Variants in AZIN1 observed in about 807,000 individuals in gnomAD.
AZIN1 encodes the protein antizyme inhibitor 1, also known as ornithine decarboxylase antizyme inhibitor.
In AZIN1, 12 loss-of-function variants were observed where a neutral mutation model predicts 47.4. The observed-to-expected ratio is 0.25, with a 90% CI of 0.16 to 0.41. AZIN1 has a LOEUF of 0.41. Among genes scored for constraint, AZIN1 ranks in the 10% least tolerant of loss-of-function variants. AZIN1 has a pLI of 1.00. For missense variants in AZIN1, 410 were observed against 532.4 expected (o/e 0.77, Z 2.26); for synonymous variants, 155 against 176.3 (o/e 0.88, Z 0.96).
At chr8:102,843,506 GAGCTTGGA>G in intron 3 of AZIN1, 37 bp downstream of exon 3, 2 of 1,526,444 alleles carry the variant, frequency 1.3e-6, no homozygotes, top group Non-Finnish European at 1.8e-6. Flanking sequence ...ACTCGTTTCA[GAGCTTGGA>G]AAATGACAAA....
chr8:102,831,978 T>A (rs1180572268), intron 9 of AZIN1, among the ~76,000 whole-genome samples: 1 of 152,088 alleles, frequency 6.6e-6, no homozygotes, highest in African/African-American at 2.4e-5. Flanking sequence ...AATATTAGAA[T>A]TGGCCACTAT....
intron 10 of AZIN1, 72 bp downstream of exon 10, chr8:102,829,749 G>A: frequency 8.6e-7 from 1 of 1,157,246 alleles, no homozygotes; most frequent in East Asian, 2.4e-5. Flanking sequence ...CAAAAAACTG[G>A]GAAGCATCTT....
intron 1 of AZIN1, among the ~76,000 whole-genome samples, chr8:102,860,629 C>T (rs1465393907): frequency 6.6e-6 from 1 of 152,164 alleles, no homozygotes; most frequent in Non-Finnish European, 1.5e-5. Context: ...TCAAGTGATC[C>T]GCCTGCATCA....
rs1295571696 is a variant in AZIN1 at position 102,828,099 on chromosome 8, AG to A, written c.*467del. 6.5e-6 allele frequency: 1 copy of A among 152,810 alleles called. No homozygotes were observed. Among genetic ancestry groups the A allele is most frequent in the Non-Finnish European group, 1.5e-5 (1 of 68,132 alleles). The allele number at this position is 152,810 out of a possible 1,614,324, so 9.5% of individuals were successfully genotyped here. ...TTACATTTATTAAACTACAGTTCAAAGCACAAATTTACACATTCTAAATACA... is the reference window on the plus strand; with the variant it reads ...TTACATTTATTAAACTACAGTTCAAACACAAATTTACACATTCTAAATACA... On this transcript the variant is annotated 3_prime_UTR_variant, in exon 12 of 12. Coordinates refer to ENST00000337198, the MANE Select transcript of AZIN1 (RefSeq NM_148174.4).
intron 2 of AZIN1, among the ~76,000 whole-genome samples, chr8:102,849,710 T>C (rs1812806604): frequency 6.6e-6 from 1 of 152,240 alleles, no homozygotes; most frequent in African/African-American, 2.4e-5. Flanking sequence ...GCTCAGGTTA[T>C]TTTACACTAA....
chr8:102,862,775 T>C (rs1452626520), intron 1 of AZIN1, among the ~76,000 whole-genome samples: 1 of 152,212 alleles, frequency 6.6e-6, no homozygotes, highest in Non-Finnish European at 1.5e-5. Flanking sequence ...ATAACCAAGA[T>C]GCCACCACAA....
chr8:102,854,773 A>G (rs2131274168), intron 2 of AZIN1, among the ~76,000 whole-genome samples: 1 of 151,168 alleles, frequency 6.6e-6, no homozygotes, highest in African/African-American at 2.4e-5. Context: ...AGAGCCGACT[A>G]ATGACAACCA....
intron 3 of AZIN1, among the ~76,000 whole-genome samples, chr8:102,841,984 G>A (rs990668036): frequency 3.3e-5 from 5 of 152,066 alleles, no homozygotes; most frequent in Non-Finnish European, 4.4e-5. Context: ...GGTGCTGGGC[G>A]CCTGTAATCC....
intron 2 of AZIN1, among the ~76,000 whole-genome samples, 167 bp from the exon 3 acceptor site, chr8:102,843,914 T>C (rs571857314): frequency 6.6e-6 from 1 of 152,186 alleles, no homozygotes; most frequent in East Asian, 1.9e-4. Flanking sequence ...AAAAAGCAAA[T>C]ACATGAATTA....
At chr8:102,847,673 C>G (rs1812656041) in intron 2 of AZIN1, among the ~76,000 whole-genome samples, 2 of 152,068 alleles carry the variant, frequency 1.3e-5, no homozygotes, top group South Asian at 4.2e-4. Flanking sequence ...ATCCTCCCAC[C>G]ACAGCCTTCA....
At position 102,847,364 on chromosome 8, in the gene AZIN1, A is replaced by T. The variant is rs976756084; in HGVS notation, c.-95-3617T>A. Among the ~76,000 whole-genome samples the T allele has an allele frequency of 2.5e-4, 37 of 146,480 alleles. No homozygotes were observed. The South Asian group carries it at 4.5e-3, about 18-fold the overall frequency. ...AACCCATCTCTTAAAAAAAAAAAAA[A>T]AAAAACAATAAAGCTCTAATGGAGG... On this transcript the variant is annotated intron_variant, in intron 2 of 11. Transcript: ENST00000337198.
rs1660721656 is a variant in AZIN1, at chr8:102,829,310, C to G, written c.1197G>C (p.Gln399His). 6.2e-7 allele frequency: 1 copy of G among 1,613,888 alleles called. No homozygotes were observed. The highest frequency in any genetic ancestry group is 1.7e-4 in the Middle Eastern group (1 of 6,060). The change falls in exon 11 of 12, where the codon CAG becomes CAC. Residue 399 changes from glutamine (Q) to histidine (H), a missense_variant. Around this residue, in one of 3 missense-constraint regions of AZIN1, gnomAD observed 168 missense variants for 198.3 expected, o/e 0.85. Coordinates refer to ENST00000337198, the MANE Select transcript of AZIN1 (RefSeq NM_148174.4). ...ACATCATGTAATAAATGGCTGGCCT[C>G]TGAAAATCATTAAAAGCAGATGGTT... ...FHEPSAFNDF[Q>H]RPAIYYMMSF...
At chr8:102,838,477 C>G (rs920456410) in intron 5 of AZIN1, among the ~76,000 whole-genome samples, 1 of 152,170 alleles carries the variant, frequency 6.6e-6, no homozygotes, top group Non-Finnish European at 1.5e-5. Context: ...ATTTGATTAT[C>G]ACACCAACTA....
chr8:102,863,626 CCCGCCGCCGCCG>C (rs371296627), intron 1 of AZIN1, among the ~76,000 whole-genome samples, 169 bp downstream of exon 1: 1 of 147,778 alleles, frequency 6.8e-6, no homozygotes, highest in Non-Finnish European at 1.5e-5. Context: ...GCCGCCCAGC[CCCGCCGCCGCCG>C]CCGCCGCCGG....
chr8:102,848,163 C>T (rs1191833879), intron 2 of AZIN1, among the ~76,000 whole-genome samples: 2 of 152,022 alleles, frequency 1.3e-5, no homozygotes, highest in Non-Finnish European at 2.9e-5. Context: ...TTGGGTGTGT[C>T]GTAGGCTGTA....
rs754311441 is a variant in AZIN1 at position 102,836,245 on chromosome 8, CAAAT to C, written c.584+7_584+10del. 5.6e-6 allele frequency: 9 copies of C among 1,611,442 alleles called. No individual in the cohort carries two copies. Among genetic ancestry groups the C allele is most frequent in the Admixed American group, 1.7e-5 (1 of 59,540 alleles). ...TGTTCACAGCTTTAAAAGTTTAAAA[CAAAT>C]ACTCACTTAACCCCAATTATTTGGA... On this transcript the variant is annotated splice_region_variant and intron_variant, in intron 6 of 11. Transcript: ENST00000337198.
chr8:102,848,572 C>A (rs1468523571), intron 2 of AZIN1, among the ~76,000 whole-genome samples: 2 of 152,082 alleles, frequency 1.3e-5, no homozygotes, highest in Admixed American at 1.3e-4. Flanking sequence ...GCAACAAACT[C>A]TTTGTTCAAA....
intron 8 of AZIN1, 29 bp from the exon 9 acceptor site, chr8:102,833,247 T>A (rs1811586204): frequency 6.3e-7 from 1 of 1,589,922 alleles, no homozygotes. Context: ...ACAGTATGGT[T>A]TCAATATTGG....
intron 2 of AZIN1, among the ~76,000 whole-genome samples, chr8:102,846,157 A>G (rs1199452113): frequency 1.3e-5 from 2 of 152,206 alleles, no homozygotes; most frequent in Non-Finnish European, 2.9e-5. Flanking sequence ...CTAGCTTTTA[A>G]GTCAGGATAA....
Sources: gnomAD v4.1 joint callset for allele counts (sites outside exome capture counted in the v4.1 genomes callset) on GRCh38, gnomAD v4.1.1 for gene constraint, gnomAD v4.1.1 regional missense constraint, MANE v1.5 for transcripts, NCBI Gene and HGNC (gene_info 2026-07-23, HGNC 2026-07-21) for gene names.